Variants in C1orf21 observed in about 807,000 individuals in gnomAD.
The protein encoded by C1orf21 is chromosome 1 open reading frame 21.
C1orf21 carries 3 observed loss-of-function variants against 18.7 expected under a neutral mutation model. The ratio of observed to expected loss-of-function variants is 0.16; its 90% CI spans 0.07 to 0.42. The LOEUF (loss-of-function observed/expected upper bound fraction) is 0.42. Among genes scored for constraint, C1orf21 ranks in the 10% least tolerant of loss-of-function variants. The pLI is 0.99. For missense variants in C1orf21, 104 were observed against 143.6 expected, an observed-to-expected ratio of 0.72 and a Z score of 1.41; for synonymous variants, 41 against 46.4, an observed-to-expected ratio of 0.88 and a Z score of 0.47.
chr1:184,483,906 T>C (rs1243462588), intron 2 of C1orf21, among the ~76,000 whole-genome samples: 2 of 59,114 alleles, frequency 3.4e-5, no homozygotes, highest in Non-Finnish European at 6.3e-5. Flanking sequence ...TTTGTGTGTG[T>C]GTGTGGGGCG....
At chr1:184,481,354 T>C (rs1278185035) in intron 2 of C1orf21, among the ~76,000 whole-genome samples, 1 of 152,122 alleles carries the variant, frequency 6.6e-6, no homozygotes, top group African/African-American at 2.4e-5. Flanking sequence ...GGGCATGATC[T>C]CCTTTCACAG....
chr1:184,473,260 T>C lies in C1orf21; in HGVS notation c.-124-4126T>C, dbSNP rs183465745. 4.4e-4 allele frequency among the ~76,000 whole-genome samples: 67 copies of C among 152,342 alleles called. No homozygotes were observed. The Middle Eastern group carries it at 0.024, about 54-fold the overall frequency. On this transcript the variant is annotated intron_variant, in intron 1 of 5. Coordinates refer to ENST00000235307, the MANE Select transcript of C1orf21 (RefSeq NM_030806.4). The stretch of plus-strand genomic sequence containing the variant: ...ATGCTTCGATTTAATTCTCACACTG[T>C]GATCTGTGACTTCAGAAATAACATG...
At chr1:184,440,485 C>A (rs535485462) in intron 1 of C1orf21, among the ~76,000 whole-genome samples, 5 of 151,576 alleles carry the variant, frequency 3.3e-5, no homozygotes, top group African/African-American at 1.2e-4. Context: ...CCCCTGACCT[C>A]AGGTGATCCA....
At chr1:184,592,826 A>G (rs1659458380) in intron 4 of C1orf21, among the ~76,000 whole-genome samples, 1 of 152,122 alleles carries the variant, frequency 6.6e-6, no homozygotes, top group Non-Finnish European at 1.5e-5. Context: ...CAGTTAGGAG[A>G]CCTCAGGGGG....
chr1:184,590,425 CT>C (rs1659421252), intron 3 of C1orf21, among the ~76,000 whole-genome samples: 1 of 152,192 alleles, frequency 6.6e-6, no homozygotes, highest in Non-Finnish European at 1.5e-5. Flanking sequence ...GCTGCTGTTT[CT>C]CTTGATACTA....
At chr1:184,577,331 G>A (rs957472427) in intron 3 of C1orf21, among the ~76,000 whole-genome samples, 24 of 151,790 alleles carry the variant, frequency 1.6e-4, no homozygotes, top group African/African-American at 5.6e-4. Flanking sequence ...GGACCGAGGC[G>A]GGTCGGTGAT....
chr1:184,485,681 C>T (rs533323681), intron 2 of C1orf21, among the ~76,000 whole-genome samples: 1 of 152,120 alleles, frequency 6.6e-6, no homozygotes, highest in South Asian at 2.1e-4. Flanking sequence ...TGGGGGACCA[C>T]CAGAGAGGCA....
chr1:184,511,230 G>A (rs762197127), intron 3 of C1orf21, among the ~76,000 whole-genome samples: 13 of 152,166 alleles, frequency 8.5e-5, no homozygotes, highest in East Asian at 3.9e-4. Flanking sequence ...TTAAACCATG[G>A]ATCATACAAC....
intron 1 of C1orf21, among the ~76,000 whole-genome samples, chr1:184,458,745 C>G (rs1284370786): frequency 6.6e-6 from 1 of 152,180 alleles, no homozygotes; most frequent in South Asian, 2.1e-4. Flanking sequence ...CATAAAAAAT[C>G]TTTAAAAAAG....
At chr1:184,522,242 G>C (rs867949677) in intron 3 of C1orf21, among the ~76,000 whole-genome samples, 33 of 152,026 alleles carry the variant, frequency 2.2e-4, no homozygotes, top group Admixed American at 2.0e-4. Flanking sequence ...ATGTATATAG[G>C]CATGTATATA....
At chr1:184,569,338 C>T (rs6669940) in intron 3 of C1orf21, among the ~76,000 whole-genome samples, 33,465 of 152,088 alleles carry the variant, frequency 0.22, 4,285 homozygotes, top group African/African-American at 0.35. Context: ...TTCTCATTTC[C>T]ATCATCAGTG....
At chr1:184,561,918 C>T (rs1165822461) in intron 3 of C1orf21, among the ~76,000 whole-genome samples, 2 of 152,000 alleles carry the variant, frequency 1.3e-5, no homozygotes, top group African/African-American at 2.4e-5. Flanking sequence ...AAAACATGTT[C>T]CTTTGGGCAC....
rs1659966363 is a variant in C1orf21 at position 184,624,015 on chromosome 1, C to T, written c.*4459C>T. 6.6e-6 allele frequency: 1 copy of T among 152,634 alleles called. No individual in the cohort carries two copies. The highest frequency in any genetic ancestry group is 2.1e-4 in the South Asian group (1 of 4,824). The allele number at this position is 152,634 out of a possible 1,614,324, so 9.5% of individuals were successfully genotyped here. ...TTTTATAATTGTTTTGTGTCATCCT[C>T]ATGATAATCCTGTGAAGTAGATCTA... On this transcript the variant is annotated 3_prime_UTR_variant, in exon 6 of 6. Coordinates refer to ENST00000235307, the MANE Select transcript of C1orf21 (RefSeq NM_030806.4).
At chr1:184,552,545 A>C (rs551960091) in intron 3 of C1orf21, among the ~76,000 whole-genome samples, 1 of 152,340 alleles carries the variant, frequency 6.6e-6, no homozygotes, top group African/African-American at 2.4e-5. Context: ...CAAATTAATA[A>C]TTATTTTCCT....
intron 1 of C1orf21, among the ~76,000 whole-genome samples, chr1:184,446,337 C>G (rs964970803): frequency 6.6e-6 from 1 of 151,982 alleles, no homozygotes; most frequent in Admixed American, 6.6e-5. Flanking sequence ...TCAGCCTCAC[C>G]TTTTTTACTG....
At chr1:184,449,187 T>C (rs1233344468) in intron 1 of C1orf21, among the ~76,000 whole-genome samples, 3 of 151,926 alleles carry the variant, frequency 2.0e-5, no homozygotes, top group Non-Finnish European at 4.4e-5. Context: ...CTCCTAATGC[T>C]ATCCCTCCCC....
chr1:184,493,666 C>T (rs1657849261), intron 2 of C1orf21, among the ~76,000 whole-genome samples: 1 of 152,150 alleles, frequency 6.6e-6, no homozygotes, highest in Non-Finnish European at 1.5e-5. Flanking sequence ...TTTAATGTGG[C>T]ACCAAGTATT....
Position 184,434,751 on chromosome 1 carries a change from G to A in C1orf21, c.-124-42635G>A, listed in dbSNP as rs111615584. 8.5e-4 allele frequency among the ~76,000 whole-genome samples: 130 copies of A among 152,286 alleles called. 2 individuals are homozygous for A. Among genetic ancestry groups the A allele is most frequent in the African/African-American group, 3.1e-3 (127 of 41,556 alleles). Reference sequence around the variant, plus strand: ...ATCCACATAAGATATTCCTAGAAACGAACTGGCCACGTCTAAGAAACAGAG... The same window carrying A: ...ATCCACATAAGATATTCCTAGAAACAAACTGGCCACGTCTAAGAAACAGAG... On this transcript the variant is annotated intron_variant, in intron 1 of 5. Transcript: ENST00000235307.
Position 184,622,413 on chromosome 1 carries a change from T to C in C1orf21, c.*2857T>C, listed in dbSNP as rs1659938694. The C allele has an allele frequency of 6.6e-6, 1 of 152,656 alleles. No individual in the cohort carries two copies. Among genetic ancestry groups the C allele is most frequent in the Non-Finnish European group, 1.5e-5 (1 of 68,048 alleles). 9.5% of individuals were successfully genotyped at this position (152,656 alleles called of 1,614,324 possible). Reference sequence around the variant, plus strand: ...TGGCTTACACATGCCTTATGTCCTCTGAGTTGTAGAGTTGTAAAAGTTCAG... The same window carrying C: ...TGGCTTACACATGCCTTATGTCCTCCGAGTTGTAGAGTTGTAAAAGTTCAG... On this transcript the variant is annotated 3_prime_UTR_variant, in exon 6 of 6. Coordinates refer to ENST00000235307, the MANE Select transcript of C1orf21 (RefSeq NM_030806.4).
Sources: allele counts gnomAD v4.1 joint callset (sites outside exome capture counted in the v4.1 genomes callset), GRCh38; gene constraint gnomAD v4.1.1; transcripts MANE v1.5; gene names NCBI Gene and HGNC (gene_info 2026-07-23, HGNC 2026-07-21).